Variants in AIF1L observed in about 807,000 individuals in gnomAD.
AIF1L encodes the protein allograft inflammatory factor 1 like, also known as allograft inflammatory factor 1-like.
Under a neutral mutation model 20.7 loss-of-function variants are expected in AIF1L, and 12 were observed. That is an observed-to-expected ratio of 0.58 (90% CI 0.37 to 0.94). The LOEUF (loss-of-function observed/expected upper bound fraction) is 0.94, where lower values mean the gene tolerates loss of function less well. AIF1L is among the 40% of genes least tolerant of loss of function. AIF1L has a pLI of 0.01. For synonymous variants in AIF1L, 76 were observed against 65.1 expected (o/e 1.17, Z -0.81); for missense variants, 173 against 185.3 (o/e 0.93, Z 0.39).
chr9:131,114,948 T>C (rs1185783883), intron 4 of AIF1L, among the ~76,000 whole-genome samples: 1 of 152,200 alleles, frequency 6.6e-6, no homozygotes, highest in African/African-American at 2.4e-5. Context: ...GGCATTTCAG[T>C]GGCCCTGAAG....
intron 3 of AIF1L, 43 bp from the exon 4 acceptor site, chr9:131,114,534 G>C: frequency 6.2e-7 from 1 of 1,610,704 alleles, no homozygotes; most frequent in Non-Finnish European, 8.5e-7. Flanking sequence ...ACAGGGAGAC[G>C]CTGCTTCCAA....
intron 4 of AIF1L, among the ~76,000 whole-genome samples, chr9:131,116,328 A>G (rs1027143084): frequency 6.6e-6 from 1 of 152,068 alleles, no homozygotes; most frequent in African/African-American, 2.4e-5. Context: ...CAGTGGCACA[A>G]TCTTGGCTCA....
intron 4 of AIF1L, among the ~76,000 whole-genome samples, chr9:131,115,449 C>CAAAAAAAAA (rs746698091): frequency 6.6e-5 from 4 of 60,394 alleles, no homozygotes; most frequent in African/African-American, 1.4e-4. Flanking sequence ...GATTCTGTCT[C>CAAAAAAAAA]AAAAAAAAAA....
intron 2 of AIF1L, among the ~76,000 whole-genome samples, chr9:131,106,764 C>T (rs570554295): frequency 1.1e-5 from 1 of 89,456 alleles, no homozygotes; most frequent in Non-Finnish European, 2.2e-5. Flanking sequence ...TAAATAGGGT[C>T]GGCCGCATTG....
At chr9:131,096,982 G>A in intron 2 of AIF1L, 119 bp downstream of exon 2, 1 of 1,189,364 alleles carries the variant, frequency 8.4e-7, no homozygotes, top group Non-Finnish European at 1.1e-6. Context: ...CCTTCCCCTG[G>A]GCTTCCCTCA....
intron 2 of AIF1L, among the ~76,000 whole-genome samples, chr9:131,099,263 T>C (rs1410858651): frequency 6.6e-6 from 1 of 152,158 alleles, no homozygotes; most frequent in East Asian, 1.9e-4. Context: ...CAGAACCTCG[T>C]CTTCCCCAGC....
intron 5 of AIF1L, among the ~76,000 whole-genome samples, chr9:131,118,523 T>C (rs1258587599): frequency 6.6e-6 from 1 of 151,848 alleles, no homozygotes; most frequent in Admixed American, 6.6e-5. Context: ...GATAAATCTG[T>C]TGAAACTTTC....
Position 131,111,503 on chromosome 9 carries a change from C to T in AIF1L, c.94-94C>T, listed in dbSNP as rs567122914. The stretch of plus-strand genomic sequence containing the variant: ...AACTGGGTCTGGTCGCACCTGGTTA[C>T]CCGATAGGAGGGAAGGCCCCCGGAC... On this transcript the variant is annotated intron_variant, in intron 2 of 5. Transcript: ENST00000247291. The T allele has an allele frequency of 3.1e-5, 36 of 1,168,476 alleles. No individual in the cohort carries two copies. In the African/African-American group the frequency reaches 4.4e-4, roughly 14 times the overall value. The allele number at this position is 1,168,476 out of a possible 1,614,324, so 72.4% of individuals were successfully genotyped here.
chr9:131,106,156 G>C (rs997061541), intron 2 of AIF1L: 2 of 1,527,106 alleles, frequency 1.3e-6, no homozygotes, highest in Non-Finnish European at 1.8e-6. Flanking sequence ...TGCCTCCTCC[G>C]AGCTGCCTCC....
At chr9:131,108,542 T>C (rs867622243) in intron 2 of AIF1L, among the ~76,000 whole-genome samples, 7 of 152,172 alleles carry the variant, frequency 4.6e-5, no homozygotes, top group Admixed American at 4.6e-4. Context: ...ACCCCTCTCA[T>C]CCTCATGTTT....
rs929787639 is a variant in AIF1L, at chr9:131,110,513, T to A, written c.94-1084T>A. On this transcript the variant is annotated intron_variant, in intron 2 of 5. Coordinates refer to ENST00000247291, the MANE Select transcript of AIF1L (RefSeq NM_031426.4). ...GATTTCTTTTTTCTTTTCTTTTTTT[T>A]TTTTTTTTAAGATGGAGTCTCTCTC... Among the ~76,000 whole-genome samples, 35 of 151,348 alleles carry A rather than the reference T, an allele frequency of 2.3e-4. 1 individual carries two copies. The highest frequency in any genetic ancestry group is 4.4e-5 in the Non-Finnish European group (3 of 67,812).
chr9:131,104,755 G>A (rs1435310666), intron 2 of AIF1L, among the ~76,000 whole-genome samples: 2 of 152,024 alleles, frequency 1.3e-5, no homozygotes, highest in Non-Finnish European at 2.9e-5. Context: ...TTTGCTGGCC[G>A]GGTGCGGTGG....
At chr9:131,119,712 G>A (rs893943656) in intron 5 of AIF1L, among the ~76,000 whole-genome samples, 5 of 152,148 alleles carry the variant, frequency 3.3e-5, no homozygotes, top group Non-Finnish European at 7.4e-5. Flanking sequence ...AGGGAGAAAC[G>A]CCAAGGATCA....
intron 2 of AIF1L, chr9:131,106,254 C>T (rs1830745051): frequency 1.3e-6 from 2 of 1,532,636 alleles, no homozygotes; most frequent in Non-Finnish European, 8.7e-7. Flanking sequence ...CTTGCTGGCT[C>T]TGCTGTTTCA....
intron 2 of AIF1L, among the ~76,000 whole-genome samples, chr9:131,099,382 GTC>G (rs1830591902): frequency 6.6e-6 from 1 of 152,246 alleles, no homozygotes; most frequent in Admixed American, 6.5e-5. Context: ...CTGTGTGAGA[GTC>G]TGAATTGGTT....
intron 2 of AIF1L, among the ~76,000 whole-genome samples, chr9:131,105,494 A>G (rs924477373): frequency 6.6e-6 from 1 of 151,802 alleles, no homozygotes; most frequent in African/African-American, 2.4e-5. Context: ...CCTCCCAAGT[A>G]TAGCTGGGAT....
intron 2 of AIF1L, among the ~76,000 whole-genome samples, chr9:131,107,019 G>A (rs1310654971): frequency 6.6e-6 from 1 of 152,132 alleles, no homozygotes; most frequent in Non-Finnish European, 1.5e-5. Flanking sequence ...CTTGAACTCG[G>A]GAGGGGGAAG....
intron 3 of AIF1L, among the ~76,000 whole-genome samples, chr9:131,113,044 C>CG (rs1157389197): frequency 1.3e-5 from 2 of 152,098 alleles, no homozygotes; most frequent in Admixed American, 1.3e-4. Flanking sequence ...AGCTCCCACC[C>CG]GGGAGCCTGT....
chr9:131,117,019 A>G (rs1233425042), intron 4 of AIF1L, among the ~76,000 whole-genome samples: 1 of 151,518 alleles, frequency 6.6e-6, no homozygotes, highest in African/African-American at 2.4e-5. Flanking sequence ...CCCATTGTTC[A>G]CTGGAGAACA....
Sources: allele counts gnomAD v4.1 joint callset (sites outside exome capture counted in the v4.1 genomes callset), GRCh38; gene constraint gnomAD v4.1.1; transcripts MANE v1.5; gene names NCBI Gene and HGNC (gene_info 2026-07-23, HGNC 2026-07-21).